PCGF5: variants seen among roughly 807,000 people sequenced by gnomAD.
The protein encoded by PCGF5 is polycomb group ring finger 5.
PCGF5 carries 9 observed loss-of-function variants against 44.3 expected under a neutral mutation model. The ratio of observed to expected loss-of-function variants is 0.20; its 90% CI spans 0.12 to 0.35. The LOEUF is 0.35. Among genes scored for constraint, PCGF5 ranks in the 10% least tolerant of loss-of-function variants. The pLI, the probability that PCGF5 is intolerant of heterozygous loss-of-function variation, is 1.00. For missense variants in PCGF5, 146 were observed against 305.3 expected, an observed-to-expected ratio of 0.48 and a Z score of 3.89; for synonymous variants, 95 against 102.5, an observed-to-expected ratio of 0.93 and a Z score of 0.44.
intron 2 of PCGF5, among the ~76,000 whole-genome samples, chr10:91,235,419 G>T (rs1019580502): frequency 9.2e-5 from 14 of 152,172 alleles, no homozygotes; most frequent in African/African-American, 3.4e-4. Flanking sequence ...TTGTGATGAG[G>T]TAAGTATAAA....
At chr10:91,159,216 G>C (rs1843351545), upstream of PCGF5, among the ~76,000 whole-genome samples, 1 of 152,098 alleles carries the variant, frequency 6.6e-6, no homozygotes. Context: ...TCTAGTTCTG[G>C]TATTTACTAG....
intron 7 of PCGF5, among the ~76,000 whole-genome samples, chr10:91,262,296 G>T (rs1845935923): frequency 6.6e-6 from 1 of 152,022 alleles, no homozygotes; most frequent in Non-Finnish European, 1.5e-5. Context: ...TGTGGTGGCA[G>T]GTGCCTGTAT....
rs1440853305 is a variant in PCGF5 at position 91,279,676 on chromosome 10, A to G, written c.*1360A>G. Reference sequence around the variant, plus strand: ...TTACTTGGAAATTGCTTTGAAACAAACAAGCTAACCTTTGAAACTTAGGAA... The same window carrying G: ...TTACTTGGAAATTGCTTTGAAACAAGCAAGCTAACCTTTGAAACTTAGGAA... On this transcript the variant is annotated 3_prime_UTR_variant, in exon 10 of 10. Transcript: ENST00000336126. 1 of 152,140 alleles carries G rather than the reference A, an allele frequency of 6.6e-6. No individual in the cohort carries two copies. Among genetic ancestry groups the G allele is most frequent in the Non-Finnish European group, 1.5e-5 (1 of 67,962 alleles). The allele number at this position is 152,140 out of a possible 1,614,324, so 9.4% of individuals were successfully genotyped here.
chr10:91,163,548 C>T (rs1843434066), intron 1 of PCGF5, among the ~76,000 whole-genome samples: 1 of 152,102 alleles, frequency 6.6e-6, no homozygotes, highest in African/African-American at 2.4e-5. Context: ...CCTGAGTCGG[C>T]GCTCGGGCCC....
chr10:91,171,518 T>G (rs1478893427), intron 1 of PCGF5, among the ~76,000 whole-genome samples: 1 of 152,120 alleles, frequency 6.6e-6, no homozygotes, highest in African/African-American at 2.4e-5. Context: ...CCAGCAATGC[T>G]CAGAAAATTG....
chr10:91,264,302 C>T, intron 7 of PCGF5, 129 bp from the exon 8 acceptor site: 1 of 673,654 alleles, frequency 1.5e-6, no homozygotes, highest in Non-Finnish European at 2.4e-6. Context: ...GAATAAATGC[C>T]TCCTATTTAA....
upstream of PCGF5, among the ~76,000 whole-genome samples, chr10:91,162,061 C>T (rs1484728963): frequency 6.6e-6 from 1 of 151,740 alleles, no homozygotes; most frequent in Non-Finnish European, 1.5e-5. Flanking sequence ...CAGGTGGAGG[C>T]GGCTAAGGGG....
intron 1 of PCGF5, among the ~76,000 whole-genome samples, chr10:91,201,676 A>G (rs1262492951): frequency 6.6e-6 from 1 of 151,794 alleles, no homozygotes; most frequent in Non-Finnish European, 1.5e-5. Flanking sequence ...TTTTAACACT[A>G]CTGTAACACC....
At chr10:91,276,634 G>C (rs7912140) in intron 9 of PCGF5, among the ~76,000 whole-genome samples, 19,882 of 152,112 alleles carry the variant, frequency 0.13, 2,444 homozygotes, top group African/African-American at 0.32. Flanking sequence ...ATTTTCAGCC[G>C]GAAACTGAGA....
At chr10:91,190,427 G>A (rs1303251312) in intron 1 of PCGF5, among the ~76,000 whole-genome samples, 2 of 152,154 alleles carry the variant, frequency 1.3e-5, no homozygotes, top group African/African-American at 2.4e-5. Flanking sequence ...AAGGTCTGTG[G>A]TGTCAGATAA....
chr10:91,271,978 C>T (rs1216032097), intron 9 of PCGF5, among the ~76,000 whole-genome samples: 1 of 152,200 alleles, frequency 6.6e-6, no homozygotes, highest in African/African-American at 2.4e-5. Flanking sequence ...GAAATCTCTA[C>T]TCCATATTGG....
chr10:91,201,788 C>G (rs1261128029), intron 1 of PCGF5, among the ~76,000 whole-genome samples: 1 of 150,088 alleles, frequency 6.7e-6, no homozygotes, highest in African/African-American at 2.5e-5. Flanking sequence ...TACTTTTTTG[C>G]CTTCTTAACA....
intron 1 of PCGF5, among the ~76,000 whole-genome samples, chr10:91,202,381 A>C (rs1027622135): frequency 6.6e-6 from 1 of 152,212 alleles, no homozygotes; most frequent in Non-Finnish European, 1.5e-5. Context: ...AAAACCCACC[A>C]TTGTGACCTT....
At chr10:91,218,696 G>C (rs1380931939), upstream of PCGF5, among the ~76,000 whole-genome samples, 1 of 151,900 alleles carries the variant, frequency 6.6e-6, no homozygotes, top group Non-Finnish European at 1.5e-5. Flanking sequence ...GCAGTGGTGC[G>C]ATCTCGGCTC....
At chr10:91,266,740 C>G (rs1458197781) in intron 8 of PCGF5, among the ~76,000 whole-genome samples, 2 of 152,132 alleles carry the variant, frequency 1.3e-5, no homozygotes, top group Middle Eastern at 3.2e-3. Flanking sequence ...TTGCTCAGAC[C>G]AAAATCCCTG....
intron 9 of PCGF5, among the ~76,000 whole-genome samples, chr10:91,277,188 A>G (rs1053461839): frequency 1.3e-5 from 2 of 152,158 alleles, no homozygotes; most frequent in Non-Finnish European, 2.9e-5. Flanking sequence ...AGATTCCAAC[A>G]TTGAGTCTTC....
At chr10:91,160,533 C>G (rs1332623723), upstream of PCGF5, among the ~76,000 whole-genome samples, 1 of 152,128 alleles carries the variant, frequency 6.6e-6, no homozygotes, top group East Asian at 1.9e-4. Flanking sequence ...CAGGATAATT[C>G]CTAATCTCTT....
At chr10:91,251,214 TG>T in intron 5 of PCGF5, 77 bp from the exon 6 acceptor site, 1 of 1,174,008 alleles carries the variant, frequency 8.5e-7, no homozygotes, top group Non-Finnish European at 1.2e-6. Context: ...ATTTTTGTTT[TG>T]ATTATCAATG....
At position 91,264,504 on chromosome 10, in the gene PCGF5, G is replaced by T; in HGVS notation, c.647G>T (p.Arg216Leu). 6.2e-7 allele frequency: 1 copy of T among 1,610,916 alleles called. No homozygotes were observed. The highest frequency in any genetic ancestry group is 1.1e-5 in the South Asian group (1 of 90,586). Residue 216 changes from arginine (R) to leucine (L), a missense_variant, in exon 8 of 10, where the codon CGA becomes CTA. Transcript: ENST00000336126. ...GAATTCATCTACATGACAAGATGGC[G>T]ACTAAGAGGCGAAAACGTAAATTGC... is the stretch of plus-strand genomic sequence containing the variant. ...TMEFIYMTRW[R>L]LRGENFRCLN...
Sources: allele counts gnomAD v4.1 joint callset (sites outside exome capture counted in the v4.1 genomes callset), GRCh38; gene constraint gnomAD v4.1.1; transcripts MANE v1.5; gene names NCBI Gene and HGNC (gene_info 2026-07-23, HGNC 2026-07-21).